ANKRD11: variants seen among roughly 807,000 people sequenced by gnomAD.
The protein encoded by ANKRD11 is ankyrin repeat domain 11.
A neutral mutation model predicts 195.7 loss-of-function variants in ANKRD11; 17 were observed. That is an observed-to-expected ratio of 0.09 (90% confidence interval 0.06 to 0.13). The LOEUF (loss-of-function observed/expected upper bound fraction) is 0.13, where lower values mean the gene tolerates loss of function less well. Among genes scored for constraint, ANKRD11 ranks in the 10% least tolerant of loss-of-function variants. The probability of loss-of-function intolerance (pLI) is 1.00; values close to 1 mark genes in which losing one functional copy is unlikely to be tolerated. For missense variants in ANKRD11, 3,735 were observed against 3,566.1 expected (o/e 1.05, Z -1.21); for synonymous variants, 1,953 against 1,528.1 (o/e 1.28, Z -6.49).
chr16:89,401,913 A>G (rs2041706856), intron 2 of ANKRD11, among the ~76,000 whole-genome samples: 3 of 151,398 alleles, frequency 2.0e-5, no homozygotes, highest in African/African-American at 7.3e-5. Context: ...ATCCCCCAGA[A>G]CCTGGAGAGA....
chr16:89,347,289 T>C (rs1204717093), intron 2 of ANKRD11, among the ~76,000 whole-genome samples: 1 of 152,162 alleles, frequency 6.6e-6, no homozygotes, highest in Non-Finnish European at 1.5e-5. Context: ...TACCTGTATG[T>C]GTGTACGTGA....
intron 2 of ANKRD11, among the ~76,000 whole-genome samples, chr16:89,391,042 C>A (rs1184374165): frequency 5.9e-5 from 9 of 151,994 alleles, no homozygotes; most frequent in Admixed American, 3.9e-4. Flanking sequence ...TCCTGGCTAA[C>A]ACGGTGAAAC....
At chr16:89,339,278 C>A (rs148351428) in intron 2 of ANKRD11, among the ~76,000 whole-genome samples, 204 of 152,298 alleles carry the variant, frequency 1.3e-3, no homozygotes, top group African/African-American at 4.7e-3. Flanking sequence ...AATAGAACGA[C>A]CTAGAGATGT....
At chr16:89,274,729 A>G (rs561930022) in intron 11 of ANKRD11, 85 bp downstream of exon 11, 726 of 1,587,228 alleles carry the variant, frequency 4.6e-4, no homozygotes, top group Admixed American at 1.1e-3. Flanking sequence ...GCTCCTGGTC[A>G]AAGTGCAGAA....
chr16:89,465,663 C>T (rs1455786701), intron 1 of ANKRD11, among the ~76,000 whole-genome samples: 1 of 152,212 alleles, frequency 6.6e-6, no homozygotes, highest in Non-Finnish European at 1.5e-5. Flanking sequence ...CGTGGACGAG[C>T]TAAAGAAGAC....
chr16:89,371,962 G>A (rs1264970208), intron 2 of ANKRD11, among the ~76,000 whole-genome samples: 1 of 152,180 alleles, frequency 6.6e-6, no homozygotes, highest in Non-Finnish European at 1.5e-5. Context: ...AAATCAGCTG[G>A]AAGAAAGAAC....
At chr16:89,478,148 G>A (rs762146964) in intron 1 of ANKRD11, among the ~76,000 whole-genome samples, 4 of 152,130 alleles carry the variant, frequency 2.6e-5, no homozygotes, top group Admixed American at 1.3e-4. Flanking sequence ...AGTTCCCAAC[G>A]TTGTTGTCAG....
In ANKRD11 at chr16:89,285,223, C is replaced by T. The variant is rs771852521; in HGVS notation, c.1319G>A (p.Arg440Gln). Reference protein sequence around the residue: ...AHTILPGSKTREPSNAKQQKE... With the variant: ...AHTILPGSKTQEPSNAKQQKE... ...CTGCTGCTTGGCATTAGAAGGCTCTCGTGTCTTACTACCAGGCAATATCGT... is the reference window on the plus strand; with the variant it reads ...CTGCTGCTTGGCATTAGAAGGCTCTTGTGTCTTACTACCAGGCAATATCGT... The change falls in exon 9 of 13, where the codon CGA becomes CAA. Residue 440 changes from arginine (R) to glutamine (Q), a missense_variant. By Grantham distance (43) the Arg-to-Gln change is conservative (BLOSUM62 1). Coordinates refer to ENST00000301030, the MANE Select transcript of ANKRD11 (RefSeq NM_013275.6). The surrounding 1 kb of genome is among the most constrained non-coding windows in gnomAD (Gnocchi z 5.6). 23 of 1,613,658 alleles carry T rather than the reference C, an allele frequency of 1.4e-5. No individual in the cohort carries two copies. The highest frequency in any genetic ancestry group is 4.4e-5 in the South Asian group (4 of 91,078).
chr16:89,454,500 C>G (rs957307039), intron 1 of ANKRD11, among the ~76,000 whole-genome samples: 1 of 152,060 alleles, frequency 6.6e-6, no homozygotes, highest in African/African-American at 2.4e-5. Flanking sequence ...ATATTAATGC[C>G]AATTTTCTCC....
In ANKRD11 at chr16:89,467,645, G is replaced by A. The variant is rs368381341; in HGVS notation, c.-145+22600C>T. ...CTCTCAAAGTGCTGAGACTACAGGC[G>A]TTGCATCTGACCCTGTATCACTCTT... On this transcript the variant is annotated intron_variant, in intron 1 of 12. Transcript: ENST00000301030. Among the ~76,000 whole-genome samples the A allele has an allele frequency of 2.5e-4, 38 of 152,132 alleles. No individual in the cohort carries two copies. In the South Asian group the frequency reaches 2.7e-3, roughly 11 times the overall value.
At chr16:89,438,656 A>G (rs1344477832) in intron 1 of ANKRD11, among the ~76,000 whole-genome samples, 2 of 152,166 alleles carry the variant, frequency 1.3e-5, no homozygotes, top group African/African-American at 4.8e-5. Flanking sequence ...AAAAAAAGAC[A>G]TACTGGGTCA....
intron 1 of ANKRD11, among the ~76,000 whole-genome samples, chr16:89,473,935 C>T (rs1229892067): frequency 6.6e-6 from 1 of 152,226 alleles, no homozygotes; most frequent in Non-Finnish European, 1.5e-5. Context: ...CCCATGACTA[C>T]ATTATGTTAC....
At position 89,283,293 on chromosome 16, in the gene ANKRD11, C is replaced by G. The variant is rs752446093; in HGVS notation, c.3249G>C (p.Gly1083=). 1.2e-6 allele frequency: 2 copies of G among 1,614,104 alleles called. No individual in the cohort carries two copies. Among genetic ancestry groups the G allele is most frequent in the East Asian group, 2.2e-5 (1 of 44,876 alleles). The change falls in exon 9 of 13, where the codon GGG becomes GGC. Residue 1083 remains glycine (G), a synonymous_variant. Coordinates refer to ENST00000301030, the MANE Select transcript of ANKRD11 (RefSeq NM_013275.6). This position sits in a 1 kb window ranked among gnomAD's most constrained non-coding sequence, Gnocchi z 4.3. ...GGAAAGCCTTCTCCTTCTTCTCTTTCCCTTGGTCGAGAGACGCTTTCCTTT... is the reference window on the plus strand; with the variant it reads ...GGAAAGCCTTCTCCTTCTTCTCTTTGCCTTGGTCGAGAGACGCTTTCCTTT... ...DKERKASLDQ[G]KEKKEKAFPG... is the part of the protein sequence containing the mutation.
At chr16:89,448,430 G>C (rs2043907763) in intron 1 of ANKRD11, among the ~76,000 whole-genome samples, 1 of 152,176 alleles carries the variant, frequency 6.6e-6, no homozygotes, top group Non-Finnish European at 1.5e-5. Context: ...CACACCATGA[G>C]TTCCAAATCA....
chr16:89,306,211 CACCT>C (rs773313232), intron 3 of ANKRD11, among the ~76,000 whole-genome samples: 2 of 108,790 alleles, frequency 1.8e-5, no homozygotes, highest in Admixed American at 8.9e-5. Context: ...AGACACGCGC[CACCT>C]ACCTCCCACT....
intron 1 of ANKRD11, among the ~76,000 whole-genome samples, chr16:89,489,665 C>T (rs1446539495): frequency 6.6e-6 from 1 of 151,914 alleles, no homozygotes; most frequent in African/African-American, 2.4e-5. Context: ...CTCCGCAGAA[C>T]CCGGCGCCCG....
rs528881544 is a variant in ANKRD11 at position 89,302,890 on chromosome 16, C to G, written c.226+2316G>C. 3.0e-4 allele frequency among the ~76,000 whole-genome samples: 46 copies of G among 152,288 alleles called. 1 individual carries two copies. Among genetic ancestry groups the G allele is most frequent in the African/African-American group, 1.0e-3 (42 of 41,552 alleles). ...TTCAACACGCAGTTCCAGGAGCACC[C>G]AGGGCTGTGGCAGAAAATATCCCAG... is the stretch of plus-strand genomic sequence containing the variant. On this transcript the variant is annotated intron_variant, in intron 4 of 12. Transcript: ENST00000301030.
intron 2 of ANKRD11, among the ~76,000 whole-genome samples, chr16:89,346,496 C>T (rs1161341633): frequency 6.6e-6 from 1 of 152,140 alleles, no homozygotes; most frequent in Admixed American, 6.5e-5. Flanking sequence ...AACAGTCATC[C>T]AAACTTGATC....
At chr16:89,477,700 C>T (rs1029377064) in intron 1 of ANKRD11, among the ~76,000 whole-genome samples, 2 of 149,892 alleles carry the variant, frequency 1.3e-5, no homozygotes, top group Non-Finnish European at 3.0e-5. Flanking sequence ...AGGCCGGGCG[C>T]GGTGGCTCAT....
Sources: gnomAD v4.1 joint callset for allele counts (sites outside exome capture counted in the v4.1 genomes callset) on GRCh38, gnomAD v4.1.1 for gene constraint, Gnocchi (gnomAD v3.1) non-coding constraint, MANE v1.5 for transcripts, NCBI Gene and HGNC (gene_info 2026-07-23, HGNC 2026-07-21) for gene names.